SLC23A2: variants seen among roughly 807,000 people sequenced by gnomAD.
SLC23A2 encodes solute carrier family 23 member 2, also known as Na(+)/L-ascorbic acid transporter 2.
A neutral mutation model predicts 73.3 loss-of-function variants in SLC23A2; 36 were observed. The ratio of observed to expected loss-of-function variants is 0.49; its 90% CI spans 0.38 to 0.65. The LOEUF (loss-of-function observed/expected upper bound fraction) is 0.65, where lower values mean the gene tolerates loss of function less well. Among genes scored for constraint, SLC23A2 ranks in the 30% least tolerant of loss-of-function variants. SLC23A2 has a pLI of 0.00. For missense variants in SLC23A2, 507 were observed against 841.6 expected, an observed-to-expected ratio of 0.60 and a Z score of 4.92; for synonymous variants, 343 against 327.3, an observed-to-expected ratio of 1.05 and a Z score of -0.52.
rs1226030009 is a variant in SLC23A2, at chr20:4,954,424, C to CA, written c.-155+16368dup. On this transcript the variant is annotated intron_variant, in intron 2 of 16. Coordinates refer to ENST00000338244, the MANE Select transcript of SLC23A2 (RefSeq NM_005116.6). ...AAAAAAGGAACATTTCAGCTGGGTG[C>CA]AGTGGCTCATGCCTGTAATCCCAGC... 3.3e-5 allele frequency among the ~76,000 whole-genome samples: 5 copies of CA among 152,238 alleles called. No homozygotes were observed. The East Asian group carries it at 9.6e-4, about 29-fold the overall frequency.
At chr20:4,976,937 C>G (rs1476371409) in intron 1 of SLC23A2, among the ~76,000 whole-genome samples, 1 of 151,904 alleles carries the variant, frequency 6.6e-6, no homozygotes, top group Non-Finnish European at 1.5e-5. Context: ...GATCACACCA[C>G]TGCACTTCAG....
intron 4 of SLC23A2, among the ~76,000 whole-genome samples, 198 bp downstream of exon 4, chr20:4,912,682 A>C (rs943857317): frequency 3.3e-5 from 5 of 149,790 alleles, no homozygotes; most frequent in Non-Finnish European, 5.9e-5. Context: ...AAAAAAAAAA[A>C]AAAAAACTAG....
Position 4,935,756 on chromosome 20 carries a change from A to G in SLC23A2, c.-154-3040T>C, listed in dbSNP as rs140893345. Among the ~76,000 whole-genome samples the G allele has an allele frequency of 8.9e-3, 1,354 of 151,514 alleles. 20 individuals are homozygous for G. The highest frequency in any genetic ancestry group is 0.031 in the African/African-American group (1,286 of 41,332). On this transcript the variant is annotated intron_variant, in intron 2 of 16. Coordinates refer to ENST00000338244, the MANE Select transcript of SLC23A2 (RefSeq NM_005116.6). ...GGAGCTTGCAGTGAGCCGAGATCAT[A>G]CCACTGCACTCCAGCCTGGGCGACA...
intron 2 of SLC23A2, among the ~76,000 whole-genome samples, chr20:4,936,921 T>C (rs1180788872): frequency 3.3e-5 from 5 of 151,938 alleles, no homozygotes; most frequent in Admixed American, 2.0e-4. Context: ...CGCAGAGCAG[T>C]GATGTTCTGA....
upstream of SLC23A2, among the ~76,000 whole-genome samples, chr20:5,003,450 A>C (rs886252686): frequency 6.6e-6 from 1 of 151,450 alleles, no homozygotes; most frequent in Non-Finnish European, 1.5e-5. Flanking sequence ...CCAGAGAAAA[A>C]CTCACGCATT....
chr20:4,920,977 G>A (rs1932484559), intron 3 of SLC23A2, among the ~76,000 whole-genome samples: 1 of 152,210 alleles, frequency 6.6e-6, no homozygotes, highest in African/African-American at 2.4e-5. Context: ...TAGGCACAAT[G>A]AAAGAATATA....
intron 1 of SLC23A2, among the ~76,000 whole-genome samples, chr20:4,981,566 A>T (rs1461625471): frequency 6.6e-6 from 1 of 152,158 alleles, no homozygotes; most frequent in Non-Finnish European, 1.5e-5. Context: ...TTTGCTGTCG[A>T]GGTTGAGGAC....
At chr20:4,958,265 C>A (rs773028649) in intron 2 of SLC23A2, among the ~76,000 whole-genome samples, 3 of 152,182 alleles carry the variant, frequency 2.0e-5, no homozygotes, top group Non-Finnish European at 4.4e-5. Flanking sequence ...GAAAATGCCT[C>A]TGTAAAATAA....
chr20:4,916,653 T>A (rs1259090927), intron 3 of SLC23A2, among the ~76,000 whole-genome samples: 1 of 152,228 alleles, frequency 6.6e-6, no homozygotes, highest in South Asian at 2.1e-4. Flanking sequence ...TACTTATACA[T>A]ACACAAATAA....
chr20:4,939,078 C>CA (rs377491841), intron 2 of SLC23A2, among the ~76,000 whole-genome samples: 150 of 150,638 alleles, frequency 1.0e-3, no homozygotes, highest in African/African-American at 3.5e-3. Flanking sequence ...CCCATCTGTA[C>CA]AAAAAAAAAT....
At chr20:4,974,945 C>A (rs1345506508) in intron 1 of SLC23A2, among the ~76,000 whole-genome samples, 1 of 152,026 alleles carries the variant, frequency 6.6e-6, no homozygotes, top group Non-Finnish European at 1.5e-5. Flanking sequence ...CACCACCACA[C>A]CTGGCTAATT....
At chr20:4,869,343 A>AC (rs1361630387) in intron 12 of SLC23A2, among the ~76,000 whole-genome samples, 2 of 149,616 alleles carry the variant, frequency 1.3e-5, no homozygotes, top group African/African-American at 2.5e-5. Flanking sequence ...CAAAAAAAAA[A>AC]CAAAAAAAAC....
At position 4,899,432 on chromosome 20, in the gene SLC23A2, G is replaced by T; in HGVS notation, c.482+123C>A. 8.9e-7 allele frequency: 1 copy of T among 1,127,754 alleles called. No homozygotes were observed. The highest frequency in any genetic ancestry group is 1.3e-6 in the Non-Finnish European group (1 of 762,036). 69.9% of individuals were successfully genotyped at this position (1,127,754 alleles called of 1,614,324 possible). The stretch of plus-strand genomic sequence containing the variant: ...GAGGGGTGGGGACCAACGGCCACTA[G>T]GACATTCCCGTGCCTCCATTCTGTC... On this transcript the variant is annotated intron_variant, in intron 6 of 16. Transcript: ENST00000338244. The surrounding 1 kb of genome is among the most constrained non-coding windows in gnomAD (Gnocchi z 4.9).
chr20:4,864,957 T>G (rs1930132876), intron 13 of SLC23A2, among the ~76,000 whole-genome samples: 1 of 152,262 alleles, frequency 6.6e-6, no homozygotes, highest in East Asian at 1.9e-4. Flanking sequence ...CTGCCTTTGA[T>G]GCTGTCAACA....
upstream of SLC23A2, among the ~76,000 whole-genome samples, chr20:5,002,336 G>T (rs1485088785): frequency 1.3e-5 from 2 of 152,222 alleles, no homozygotes; most frequent in South Asian, 2.1e-4. Context: ...AGGTGATGCT[G>T]ATGCTACTGG....
intron 1 of SLC23A2, among the ~76,000 whole-genome samples, chr20:4,982,998 G>A (rs542380090): frequency 4.2e-4 from 64 of 152,134 alleles, no homozygotes; most frequent in African/African-American, 1.3e-3. Context: ...CCAGCTACTC[G>A]GGAGGCTGAG....
intron 13 of SLC23A2, among the ~76,000 whole-genome samples, chr20:4,867,255 G>A (rs1003798112): frequency 2.6e-5 from 4 of 151,852 alleles, no homozygotes; most frequent in Admixed American, 1.3e-4. Flanking sequence ...GATAGGGCTC[G>A]GCCCTGGCCA....
chr20:4,864,298 G>A (rs559585630), intron 13 of SLC23A2, among the ~76,000 whole-genome samples: 2 of 152,296 alleles, frequency 1.3e-5, no homozygotes, highest in Admixed American at 1.3e-4. Flanking sequence ...CCAGGCACAC[G>A]TGGCTGGTGC....
intron 2 of SLC23A2, among the ~76,000 whole-genome samples, chr20:4,969,457 A>G (rs1041783791): frequency 6.6e-6 from 1 of 152,182 alleles, no homozygotes; most frequent in African/African-American, 2.4e-5. Context: ...AGCTCTTATA[A>G]GTGTACACAG....
Sources: gnomAD v4.1 joint callset for allele counts (sites outside exome capture counted in the v4.1 genomes callset) on GRCh38, gnomAD v4.1.1 for gene constraint, Gnocchi (gnomAD v3.1) non-coding constraint, MANE v1.5 for transcripts, NCBI Gene and HGNC (gene_info 2026-07-23, HGNC 2026-07-21) for gene names.